The following NLGN4X variants were observed in gnomAD, a reference collection of about 807,000 sequenced individuals.
NLGN4X encodes neuroligin-4, X-linked.
In NLGN4X, 3 loss-of-function variants were observed where a neutral mutation model predicts 40.3. The ratio of observed to expected loss-of-function variants is 0.07; its 90% CI spans 0.03 to 0.19. The LOEUF is 0.19. Among genes scored for constraint, NLGN4X ranks in the 10% least tolerant of loss-of-function variants. The probability of loss-of-function intolerance (pLI) is 1.00; values close to 1 mark genes in which losing one functional copy is unlikely to be tolerated. For missense variants in NLGN4X, 382 were observed against 708.3 expected, an observed-to-expected ratio of 0.54 and a Z score of 5.23; for synonymous variants, 270 against 306.8, an observed-to-expected ratio of 0.88 and a Z score of 1.25.
intron 2 of NLGN4X, among the ~76,000 whole-genome samples, chrX:6,045,875 T>C (rs1218038036): frequency 9.0e-6 from 1 of 111,324 alleles, no homozygotes; most frequent in Non-Finnish European, 1.9e-5. Flanking sequence ...TAAAAAGTAT[T>C]GAGAACTGAA....
chrX:6,163,532 C>A (rs1401961954), intron 1 of NLGN4X, among the ~76,000 whole-genome samples: 2 of 111,852 alleles, frequency 1.8e-5, no homozygotes, highest in Non-Finnish European at 3.8e-5. Flanking sequence ...CAATTGCTAC[C>A]ATGCAGCCAG....
At chrX:6,222,415 G>A (rs990887774) in intron 1 of NLGN4X, among the ~76,000 whole-genome samples, 47 of 111,480 alleles carry the variant, frequency 4.2e-4, no homozygotes, top group African/African-American at 1.5e-3. Flanking sequence ...CTGTTACTTT[G>A]ACAAACCATG....
intron 2 of NLGN4X, among the ~76,000 whole-genome samples, chrX:6,041,725 T>C (rs776781622): frequency 8.9e-6 from 1 of 112,752 alleles, no homozygotes; most frequent in Admixed American, 9.4e-5. Context: ...CAACACCATA[T>C]TCCTTAATTT....
At chrX:5,921,407 G>GAGAGAGGAGAGACAGAGAC (rs1370315377) in intron 3 of NLGN4X, among the ~76,000 whole-genome samples, 1 of 103,555 alleles carries the variant, frequency 9.7e-6, no homozygotes, top group Non-Finnish European at 2.0e-5. Context: ...GAGAGAGAGA[G>GAGAGAGGAGAGACAGAGAC]AGAGAGAGAG....
intron 1 of NLGN4X, among the ~76,000 whole-genome samples, chrX:6,209,167 G>A (rs1206909385): frequency 9.0e-6 from 1 of 111,690 alleles, no homozygotes; most frequent in Non-Finnish European, 1.9e-5. Context: ...CTCCTAAGTG[G>A]GAGCTAAATA....
At chrX:5,907,986 GGAGA>G (rs1339242230) in intron 4 of NLGN4X, among the ~76,000 whole-genome samples, 5 of 95,218 alleles carry the variant, frequency 5.3e-5, no homozygotes, top group Non-Finnish European at 1.0e-4. Context: ...ACAGAGAAAA[GGAGA>G]GAGAGGAAGA....
chrX:6,179,002 G>T (rs1162388414), intron 1 of NLGN4X, among the ~76,000 whole-genome samples: 1 of 108,899 alleles, frequency 9.2e-6, no homozygotes, highest in Non-Finnish European at 1.9e-5. Context: ...TGAGGTGTGA[G>T]ATGGGAAGAT....
chrX:5,904,213 T>C (rs1026677125), intron 4 of NLGN4X, among the ~76,000 whole-genome samples: 2 of 111,095 alleles, frequency 1.8e-5, no homozygotes, highest in Non-Finnish European at 3.8e-5. Flanking sequence ...AGATGCCATA[T>C]ATAAAAACTC....
At chrX:6,118,214 A>T (rs2039345546) in intron 2 of NLGN4X, among the ~76,000 whole-genome samples, 1 of 110,617 alleles carries the variant, frequency 9.0e-6, no homozygotes, top group South Asian at 3.9e-4. Flanking sequence ...TTGTGTTGGA[A>T]ATGCGATTCA....
intron 3 of NLGN4X, among the ~76,000 whole-genome samples, chrX:6,020,836 T>C (rs2036510900): frequency 9.1e-6 from 1 of 110,146 alleles, no homozygotes; most frequent in African/African-American, 3.3e-5. Flanking sequence ...TTTTAAAAAT[T>C]TGAGACAGGA....
chrX:5,963,985 G>A (rs773590352), intron 3 of NLGN4X, among the ~76,000 whole-genome samples: 2 of 111,965 alleles, frequency 1.8e-5, no homozygotes, highest in Non-Finnish European at 3.8e-5. Context: ...ATTTCTTGAT[G>A]CCCCTGTATG....
chrX:5,909,494 G>C (rs754683896), intron 3 of NLGN4X, among the ~76,000 whole-genome samples: 2 of 111,143 alleles, frequency 1.8e-5, no homozygotes, highest in Non-Finnish European at 3.8e-5. Context: ...AAGGCAAAAT[G>C]AATCTAAAAT....
At chrX:5,906,840 A>T (rs997792145) in intron 4 of NLGN4X, among the ~76,000 whole-genome samples, 2 of 111,302 alleles carry the variant, frequency 1.8e-5, no homozygotes, top group Non-Finnish European at 3.8e-5. Context: ...ATCATTCGGG[A>T]GGTCGAGGTG....
intron 3 of NLGN4X, among the ~76,000 whole-genome samples, chrX:6,008,613 T>C (rs1353698220): frequency 1.8e-5 from 2 of 112,168 alleles, no homozygotes; most frequent in African/African-American, 3.2e-5. Flanking sequence ...ATACTGAACA[T>C]GCTCTAACAT....
At chrX:6,160,381 G>A (rs1020658776) in intron 1 of NLGN4X, among the ~76,000 whole-genome samples, 9 of 111,328 alleles carry the variant, frequency 8.1e-5, no homozygotes. Context: ...TGTACATGAG[G>A]ATTTGAAATG....
chrX:5,957,870 T>TAAA (rs1001744241), intron 3 of NLGN4X, among the ~76,000 whole-genome samples: 1 of 112,422 alleles, frequency 8.9e-6, no homozygotes, highest in African/African-American at 3.2e-5. Context: ...GTTCCATCAT[T>TAAA]AGAGTTTAAT....
In NLGN4X at chrX:6,082,956, C is replaced by CTTT. The variant is rs1184184483; in HGVS notation, c.473-53527_473-53525dup. ...AGATTTTGCCATGATGCGTTTTTTT[C>CTTT]TTTTTTTTTTTTTTTTTTTTTGAGA... On this transcript the variant is annotated intron_variant, in intron 2 of 5. Transcript: ENST00000381095. 4.6e-4 allele frequency among the ~76,000 whole-genome samples: 21 copies of CTTT among 45,960 alleles called. 1 individual carries two copies. Among genetic ancestry groups the CTTT allele is most frequent in the Admixed American group, 1.2e-3 (4 of 3,428 alleles). The allele number at this position is 45,960 out of a possible 115,157, so 39.9% of individuals were successfully genotyped here. A position where few individuals can be genotyped will look rare whatever the true frequency, so the allele number is the denominator to read the frequency against.
intron 2 of NLGN4X, among the ~76,000 whole-genome samples, chrX:6,112,553 T>C (rs2039175245): frequency 9.2e-6 from 1 of 108,998 alleles, no homozygotes; most frequent in African/African-American, 3.4e-5. Context: ...GAGGGGATTA[T>C]AGTCCCCGCT....
In NLGN4X at chrX:6,228,693, CAGAGGAATGCA is replaced by C. The variant is rs1172776436; in HGVS notation, c.-469_-459del. The C allele has an allele frequency of 9.0e-6, 1 of 111,371 alleles. No homozygotes were observed. The highest frequency in any genetic ancestry group is 1.9e-5 in the Non-Finnish European group (1 of 53,144). The allele number at this position is 111,371 out of a possible 1,213,427, so 9.2% of individuals were successfully genotyped here. ...AACCCCCCAACTAGATTTCCTCATC[CAGAGGAATGCA>C]AGAGCCACCAACACCGCCTAGTTTG... On this transcript the variant is annotated 5_prime_UTR_variant, in exon 1 of 6. The change abolishes the stop of an existing upstream ORF in the 5' untranslated region. Coordinates refer to ENST00000381095, the MANE Select transcript of NLGN4X (RefSeq NM_181332.3).
Sources: gnomAD v4.1 joint callset for allele counts (sites outside exome capture counted in the v4.1 genomes callset) on GRCh38, gnomAD v4.1.1 for gene constraint, MANE v1.5 for transcripts, NCBI Gene and HGNC (gene_info 2026-07-23, HGNC 2026-07-21) for gene names.